The following COL5A1 variants were observed in gnomAD, a reference collection of about 807,000 sequenced individuals.
The protein encoded by COL5A1 is collagen alpha-1(V) chain.
In COL5A1, 16 loss-of-function variants were observed where a neutral mutation model predicts 263.7. The ratio of observed to expected loss-of-function variants is 0.06; its 90% confidence interval spans 0.04 to 0.09. COL5A1 has a LOEUF of 0.09. Among genes scored for constraint, COL5A1 ranks in the 10% least tolerant of loss-of-function variants. The pLI, the probability that COL5A1 is intolerant of heterozygous loss-of-function variation, is 1.00. For synonymous variants in COL5A1, 1,012 were observed against 1,004.5 expected (o/e 1.01, Z -0.14); for missense variants, 2,036 against 2,540.5 (o/e 0.80, Z 4.27).
chr9:134,670,975 G>C (rs1414551499), intron 1 of COL5A1, among the ~76,000 whole-genome samples: 1 of 152,214 alleles, frequency 6.6e-6, no homozygotes, highest in Non-Finnish European at 1.5e-5. Flanking sequence ...CTGATGTCTG[G>C]AGGTGGCTGG....
intron 60 of COL5A1, 62 bp from the exon 61 acceptor site, chr9:134,823,354 G>A: frequency 6.4e-7 from 1 of 1,571,176 alleles, no homozygotes; most frequent in South Asian, 1.1e-5. Context: ...TAGAGCTGAA[G>A]GTGGATTCAA....
intron 2 of COL5A1, among the ~76,000 whole-genome samples, chr9:134,694,437 A>C (rs1428438579): frequency 6.6e-6 from 1 of 152,234 alleles, no homozygotes; most frequent in Non-Finnish European, 1.5e-5. Context: ...GAACAGATGG[A>C]GCCCGGCCTC....
intron 20 of COL5A1, among the ~76,000 whole-genome samples, chr9:134,764,421 G>A (rs1388988567): frequency 1.3e-5 from 2 of 151,490 alleles, no homozygotes; most frequent in Non-Finnish European, 2.9e-5. Context: ...ATTGTGGGGG[G>A]GGTCACACAC....
chr9:134,717,452 C>A (rs1001119971), intron 4 of COL5A1, among the ~76,000 whole-genome samples: 1 of 152,190 alleles, frequency 6.6e-6, no homozygotes, highest in African/African-American at 2.4e-5. Context: ...TGCGAACACA[C>A]CTGAGATCAC....
intron 37 of COL5A1, among the ~76,000 whole-genome samples, chr9:134,799,031 T>C (rs3811158): frequency 0.65 from 99,565 of 152,114 alleles, 33,654 homozygotes; most frequent in African/African-American, 0.83. Context: ...GCAATGTCCC[T>C]TTTTACACTA....
In COL5A1 at chr9:134,743,483, C is replaced by T. The variant is rs547158102; in HGVS notation, c.1494+4675C>T. On this transcript the variant is annotated intron_variant, in intron 11 of 65. Coordinates refer to ENST00000371817, the MANE Select transcript of COL5A1 (RefSeq NM_000093.5). ...CTTCTGGGTCTGTGGGCAGGTCCCACCTGCTGGGGGGCCTGGATCCTCCTC... is the reference window on the plus strand; with the variant it reads ...CTTCTGGGTCTGTGGGCAGGTCCCATCTGCTGGGGGGCCTGGATCCTCCTC... 4.6e-5 allele frequency among the ~76,000 whole-genome samples: 7 copies of T among 152,316 alleles called. No homozygotes were observed. In the South Asian group the frequency reaches 6.2e-4, roughly 14 times the overall value.
At chr9:134,691,205 G>A in intron 2 of COL5A1, 126 bp downstream of exon 2, 3 of 1,245,566 alleles carry the variant, frequency 2.4e-6, no homozygotes, top group South Asian at 2.5e-5. Context: ...CCCCTCTCAC[G>A]AGCCCGGCTT....
chr9:134,676,608 G>C (rs1037779379), intron 1 of COL5A1, among the ~76,000 whole-genome samples: 25 of 77,214 alleles, frequency 3.2e-4, no homozygotes, highest in African/African-American at 1.3e-3. Context: ...CTCCCGAAAG[G>C]CTCCTTCTTC....
rs1044509598 is a variant in COL5A1 at position 134,818,310 on chromosome 9, C to T, written c.4231-346C>T. Among the ~76,000 whole-genome samples, 3 of 152,120 alleles carry T rather than the reference C, an allele frequency of 2.0e-5. No homozygotes were observed. Among genetic ancestry groups the T allele is most frequent in the African/African-American group, 4.8e-5 (2 of 41,412 alleles). The stretch of plus-strand genomic sequence containing the variant: ...GGCTATTCTGTCAGTGAGGTGATGG[C>T]GGCCCGGCCTGGCACTGTCTGCCTC... On this transcript the variant is annotated intron_variant, in intron 54 of 65. Coordinates refer to ENST00000371817, the MANE Select transcript of COL5A1 (RefSeq NM_000093.5). This position sits in a 1 kb window ranked among gnomAD's most constrained non-coding sequence, Gnocchi z 6.0.
At chr9:134,708,826 A>C in intron 4 of COL5A1, 1 of 456,634 alleles carries the variant, frequency 2.2e-6, no homozygotes, top group Non-Finnish European at 4.4e-6. Context: ...TCCAAGATCG[A>C]GGTGTGGGCG....
intron 1 of COL5A1, among the ~76,000 whole-genome samples, chr9:134,671,105 T>C (rs1001744481): frequency 7.9e-5 from 12 of 152,218 alleles, no homozygotes; most frequent in Non-Finnish European, 1.3e-4. Context: ...GATGGATTTT[T>C]TCAGTGTGAA....
At chr9:134,780,304 CTGTT>C (rs1837205063) in intron 28 of COL5A1, among the ~76,000 whole-genome samples, 158 bp downstream of exon 28, 1 of 152,202 alleles carries the variant, frequency 6.6e-6, no homozygotes, top group Non-Finnish European at 1.5e-5. Flanking sequence ...GAAAGTGTCT[CTGTT>C]TGCAGACGGA....
At chr9:134,822,236 A>C in intron 59 of COL5A1, 86 bp downstream of exon 59, 1 of 1,199,662 alleles carries the variant, frequency 8.3e-7, no homozygotes, top group Non-Finnish European at 1.2e-6. Context: ...GAGCTAGAGA[A>C]TTGTGGAAAA....
intron 29 of COL5A1, 67 bp from the exon 30 acceptor site, chr9:134,784,922 G>C (rs1837397299): frequency 3.7e-6 from 5 of 1,335,904 alleles, no homozygotes; most frequent in Non-Finnish European, 5.4e-6. Flanking sequence ...CTTGCTCTCA[G>C]AATGGTGGTG....
intron 18 of COL5A1, among the ~76,000 whole-genome samples, chr9:134,761,313 A>G (rs1836431402): frequency 6.6e-6 from 1 of 151,798 alleles, no homozygotes; most frequent in African/African-American, 2.4e-5. Context: ...GCACCCACAC[A>G]TCCACCCACA....
rs1471245035 is a variant in COL5A1 at position 134,765,339 on chromosome 9, C to T, written c.2035-342C>T. On this transcript the variant is annotated intron_variant, in intron 20 of 65. Transcript: ENST00000371817. This position sits in a 1 kb window ranked among gnomAD's most constrained non-coding sequence, Gnocchi z 5.1. ...GGCTCCGTGCAGTGGAATGTTATAG[C>T]GTGGTGATTCTCTGGGGGAGCGTCT... 6.6e-6 allele frequency among the ~76,000 whole-genome samples: 1 copy of T among 151,788 alleles called. No homozygotes were observed. The highest frequency in any genetic ancestry group is 1.5e-5 in the Non-Finnish European group (1 of 67,828).
chr9:134,820,804 A>G (rs1198035294), intron 58 of COL5A1, among the ~76,000 whole-genome samples: 1 of 152,080 alleles, frequency 6.6e-6, no homozygotes, highest in African/African-American at 2.4e-5. Flanking sequence ...AGAGGGGATG[A>G]GGTGACCTGT....
chr9:134,710,518 C>A (rs1588459532), intron 4 of COL5A1, among the ~76,000 whole-genome samples: 2 of 109,536 alleles, frequency 1.8e-5, no homozygotes, highest in South Asian at 3.2e-4. Context: ...TTGTTGGGTG[C>A]AGTGGTGGGG....
intron 62 of COL5A1, among the ~76,000 whole-genome samples, chr9:134,825,299 C>T (rs981561262): frequency 6.6e-6 from 1 of 152,172 alleles, no homozygotes; most frequent in African/African-American, 2.4e-5. Flanking sequence ...CTTCAAACTC[C>T]GCGATACTGT....
Sources: allele counts gnomAD v4.1 joint callset (sites outside exome capture counted in the v4.1 genomes callset), GRCh38; gene constraint gnomAD v4.1.1; non-coding constraint Gnocchi (gnomAD v3.1); transcripts MANE v1.5; gene names NCBI Gene and HGNC (gene_info 2026-07-23, HGNC 2026-07-21).